The following LOC128092253 variants were observed in gnomAD, a reference collection of about 807,000 sequenced individuals.
chr6:133,969,081 A>T, the LOC128092253 span: 1 of 152,176 alleles, frequency 6.6e-6, no homozygotes, highest in Non-Finnish European at 1.5e-5. Flanking sequence ...ATATCTTCTT[A>T]TATTGCAAAA....
chr6:133,956,457 T>A, the LOC128092253 span, among the ~76,000 whole-genome samples: 63,550 of 151,958 alleles, frequency 0.42, 15,265 homozygotes, highest in Non-Finnish European at 0.57. Flanking sequence ...CAAATATGAA[T>A]TTTAAATTCT....
the LOC128092253 span, chr6:133,979,952 C>A: frequency 4.2e-6 from 3 of 720,370 alleles, no homozygotes; most frequent in Admixed American, 4.3e-5. Flanking sequence ...CGGCCAGGGA[C>A]ATGATTTGAT....
chr6:133,968,790 C>T, the LOC128092253 span: 1 of 152,264 alleles, frequency 6.6e-6, no homozygotes, highest in African/African-American at 2.4e-5. Context: ...TTGCCTCAGC[C>T]TCCGCAGTAG....
At chr6:133,972,257 A>G in the LOC128092253 span, among the ~76,000 whole-genome samples, 1 of 152,256 alleles carries the variant, frequency 6.6e-6, no homozygotes, top group Non-Finnish European at 1.5e-5. Context: ...CAAAATTAAC[A>G]GTAATTTCAT....
At chr6:133,960,502 C>T in the LOC128092253 span, among the ~76,000 whole-genome samples, 7 of 151,328 alleles carry the variant, frequency 4.6e-5, no homozygotes, top group South Asian at 2.1e-4. Context: ...CACTTCAGTG[C>T]GCAGTACAAA....
chr6:133,955,885 A>G, the LOC128092253 span, among the ~76,000 whole-genome samples: 1 of 152,278 alleles, frequency 6.6e-6, no homozygotes, highest in Non-Finnish European at 1.5e-5. Context: ...TATTCTTAAC[A>G]TAGAAAATTG....
At chr6:133,976,582 T>C in the LOC128092253 span, among the ~76,000 whole-genome samples, 1 of 152,226 alleles carries the variant, frequency 6.6e-6, no homozygotes, top group Non-Finnish European at 1.5e-5. Flanking sequence ...AAGAATAACC[T>C]AAGCCTTTGA....
At chr6:133,958,240 C>T in the LOC128092253 span, among the ~76,000 whole-genome samples, 3 of 152,260 alleles carry the variant, frequency 2.0e-5, no homozygotes, top group East Asian at 5.8e-4. Context: ...GGAATAAACC[C>T]CAATGGTTTC....
chr6:133,971,392 T>C, the LOC128092253 span, among the ~76,000 whole-genome samples: 3 of 152,258 alleles, frequency 2.0e-5, no homozygotes, highest in African/African-American at 4.8e-5. Context: ...TAGAAATCTC[T>C]TCAACATCCT....
the LOC128092253 span, among the ~76,000 whole-genome samples, chr6:133,975,312 A>G: frequency 2.0e-5 from 3 of 152,170 alleles, no homozygotes; most frequent in South Asian, 6.2e-4. Flanking sequence ...TAAAATTTAG[A>G]AGAAATGGAA....
the LOC128092253 span, among the ~76,000 whole-genome samples, chr6:133,975,909 G>A: frequency 3.2e-3 from 494 of 152,186 alleles, 2 homozygotes; most frequent in Middle Eastern, 0.014. Flanking sequence ...TTGCCTTTTT[G>A]TATATCTTAA....
the LOC128092253 span, among the ~76,000 whole-genome samples, chr6:133,959,183 G>A: frequency 6.6e-6 from 1 of 152,086 alleles, no homozygotes; most frequent in African/African-American, 2.4e-5. Flanking sequence ...GGGATTACAG[G>A]CATGCGCCAC....
the LOC128092253 span, among the ~76,000 whole-genome samples, chr6:133,975,377 ACT>A: frequency 1.3e-5 from 2 of 150,742 alleles, no homozygotes; most frequent in Non-Finnish European, 3.0e-5. Context: ...TTATTTTAAA[ACT>A]CTTAAAGAAA....
the LOC128092253 span, among the ~76,000 whole-genome samples, chr6:133,978,684 A>G: frequency 5.1e-3 from 775 of 152,316 alleles, 4 homozygotes; most frequent in Non-Finnish European, 7.9e-3. Context: ...TTGAGGTACA[A>G]TTGATACACA....
the LOC128092253 span, among the ~76,000 whole-genome samples, chr6:133,955,360 G>A: frequency 0.046 from 7,040 of 151,536 alleles, 558 homozygotes; most frequent in African/African-American, 0.16. Flanking sequence ...TTTGGTGGTA[G>A]TTTAGTTACT....
At chr6:133,967,762 CTG>C in the LOC128092253 span, among the ~76,000 whole-genome samples, 1 of 152,188 alleles carries the variant, frequency 6.6e-6, no homozygotes, top group Non-Finnish European at 1.5e-5. Context: ...CAGCACATGA[CTG>C]TGTTTGAAAA....
chr6:133,970,785 G>GA, the LOC128092253 span, among the ~76,000 whole-genome samples: 1 of 152,094 alleles, frequency 6.6e-6, no homozygotes, highest in South Asian at 2.1e-4. Context: ...ATTTGTTGTA[G>GA]AAATTGAGTC....
the LOC128092253 span, among the ~76,000 whole-genome samples, chr6:133,961,913 C>G: frequency 1.3e-5 from 2 of 152,110 alleles, no homozygotes; most frequent in African/African-American, 2.4e-5. Flanking sequence ...TTTTCTTCCA[C>G]TGAAATACAA....
the LOC128092253 span, among the ~76,000 whole-genome samples, chr6:133,973,958 T>C: frequency 1.3e-5 from 2 of 148,194 alleles, no homozygotes; most frequent in African/African-American, 5.0e-5. Context: ...AAACCTAACA[T>C]ATATATATAT....
Sources: allele counts gnomAD v4.1 joint callset (sites outside exome capture counted in the v4.1 genomes callset), GRCh38; gene constraint gnomAD v4.1.1; transcripts MANE v1.5.